Variants in UBE2D2 observed in about 807,000 individuals in gnomAD.
UBE2D2 encodes ubiquitin-conjugating enzyme E2 D2.
UBE2D2 carries 2 observed loss-of-function variants against 24.2 expected under a neutral mutation model. That is an observed-to-expected ratio of 0.08 (90% CI 0.03 to 0.26). The LOEUF (loss-of-function observed/expected upper bound fraction) is 0.26. Ranked by LOEUF, UBE2D2 falls within the 10% of genes least tolerant of loss-of-function variation. UBE2D2 has a pLI of 1.00. For missense variants in UBE2D2, 44 were observed against 177.6 expected (o/e 0.25, Z 4.28); for synonymous variants, 58 against 56.5 (o/e 1.03, Z -0.12).
intron 1 of UBE2D2, among the ~76,000 whole-genome samples, chr5:139,592,560 A>G (rs1753866369): frequency 6.7e-6 from 1 of 148,270 alleles, no homozygotes; most frequent in Admixed American, 6.7e-5. Context: ...TTTGAGAACT[A>G]CTGGTTTAAC....
intron 6 of UBE2D2, among the ~76,000 whole-genome samples, chr5:139,624,899 T>G (rs1203823683): frequency 6.6e-6 from 1 of 152,326 alleles, no homozygotes; most frequent in South Asian, 2.1e-4. Context: ...ATTTGTGAAT[T>G]TATTGTCAAA....
intron 2 of UBE2D2, among the ~76,000 whole-genome samples, chr5:139,606,685 A>G (rs1754207347): frequency 6.6e-6 from 1 of 152,222 alleles, no homozygotes; most frequent in Non-Finnish European, 1.5e-5. Context: ...GGATCATTAA[A>G]TGAAAGATTT....
intron 1 of UBE2D2, among the ~76,000 whole-genome samples, chr5:139,583,354 T>G (rs1257844984): frequency 6.6e-6 from 1 of 152,228 alleles, no homozygotes; most frequent in Non-Finnish European, 1.5e-5. Flanking sequence ...GTATGTGAAG[T>G]AAATAAGTAT....
In UBE2D2 at chr5:139,561,880, C is replaced by T. The variant is rs113340453; in HGVS notation, c.24+65C>T. ...GCAGGCTGCGGCCTGCACTTCCCGC[C>T]GTAGTCTCCGTCGGGCTCGCGGCCT... On this transcript the variant is annotated intron_variant, in intron 1 of 6. Transcript: ENST00000398733. 2.8e-4 allele frequency: 407 copies of T among 1,440,756 alleles called. 4 individuals carry two copies. In the Middle Eastern group the frequency reaches 7.4e-3, roughly 26 times the overall value. 89.2% of individuals were successfully genotyped at this position (1,440,756 alleles called of 1,614,324 possible).
intron 1 of UBE2D2, among the ~76,000 whole-genome samples, chr5:139,566,069 A>G (rs931147524): frequency 4.2e-5 from 6 of 142,624 alleles, no homozygotes; most frequent in African/African-American, 1.6e-4. Context: ...CTCAGGCTGG[A>G]GTGCAGTGTC....
intron 1 of UBE2D2, among the ~76,000 whole-genome samples, chr5:139,541,371 G>A (rs1320028503): frequency 2.6e-5 from 4 of 151,380 alleles, no homozygotes; most frequent in Non-Finnish European, 4.4e-5. Flanking sequence ...GGAGGCCGAG[G>A]TGGGCGGATC....
intron 1 of UBE2D2, among the ~76,000 whole-genome samples, chr5:139,546,775 CGTG>C (rs1466856715): frequency 6.6e-6 from 1 of 151,524 alleles, no homozygotes; most frequent in Admixed American, 6.6e-5. Context: ...CGTGAGCCAC[CGTG>C]CCTGGCCTTA....
intron 1 of UBE2D2, among the ~76,000 whole-genome samples, chr5:139,550,733 G>A (rs941642876): frequency 6.7e-6 from 1 of 149,880 alleles, no homozygotes; most frequent in Non-Finnish European, 1.5e-5. Flanking sequence ...AACTCCAGAC[G>A]CGCTGCCTTA....
intron 1 of UBE2D2, among the ~76,000 whole-genome samples, chr5:139,537,963 CAAAAA>C (rs200505310): frequency 7.6e-6 from 1 of 132,296 alleles, no homozygotes. Flanking sequence ...GACTCCGTCT[CAAAAA>C]AAAAAAAAAG....
chr5:139,607,161 A>G (rs568204371), intron 2 of UBE2D2, among the ~76,000 whole-genome samples: 3 of 152,306 alleles, frequency 2.0e-5, no homozygotes, highest in Admixed American at 2.0e-4. Context: ...TTCTGTCACT[A>G]GCTTCTCTGA....
At position 139,570,580 on chromosome 5, in the gene UBE2D2, C is replaced by T. The variant is rs202123645; in HGVS notation, c.24+8765C>T. Among the ~76,000 whole-genome samples the T allele has an allele frequency of 3.3e-5, 5 of 151,540 alleles. No homozygotes were observed. In the East Asian group the frequency reaches 5.8e-4, roughly 18 times the overall value. ...AGGCTGGAGTGCAGTTGTGTGATCT[C>T]GGCTCACTGCAACCTCTGCCTCCTG... On this transcript the variant is annotated intron_variant, in intron 1 of 6. Coordinates refer to ENST00000398733, the MANE Select transcript of UBE2D2 (RefSeq NM_003339.3).
At chr5:139,579,100 T>G (rs1467542813) in intron 1 of UBE2D2, among the ~76,000 whole-genome samples, 1 of 152,226 alleles carries the variant, frequency 6.6e-6, no homozygotes, top group Non-Finnish European at 1.5e-5. Context: ...CCTGGGTAGC[T>G]TGAATTACAG....
At chr5:139,531,635 A>G (rs1186080980) in intron 1 of UBE2D2, among the ~76,000 whole-genome samples, 1 of 151,410 alleles carries the variant, frequency 6.6e-6, no homozygotes, top group Admixed American at 6.6e-5. Context: ...CAAAAAAAAA[A>G]AAAGAAAGAA....
At chr5:139,580,938 C>A (rs1434308108) in intron 1 of UBE2D2, among the ~76,000 whole-genome samples, 2 of 151,998 alleles carry the variant, frequency 1.3e-5, no homozygotes, top group African/African-American at 4.8e-5. Context: ...ATCACACAGA[C>A]AAATAGGAAC....
chr5:139,574,685 T>G (rs1297036736), intron 1 of UBE2D2, among the ~76,000 whole-genome samples: 1 of 151,552 alleles, frequency 6.6e-6, no homozygotes, highest in Non-Finnish European at 1.5e-5. Context: ...AAGCATGGTA[T>G]TCTGTGTTTG....
intron 1 of UBE2D2, among the ~76,000 whole-genome samples, chr5:139,574,749 A>AAAAAAAG (rs1554077861): frequency 1.3e-5 from 2 of 150,776 alleles, no homozygotes; most frequent in African/African-American, 4.9e-5. Context: ...AAAAAAAAAA[A>AAAAAAAG]AAAAGAAAAG....
intron 1 of UBE2D2, among the ~76,000 whole-genome samples, chr5:139,533,068 A>G (rs1002855674): frequency 6.6e-6 from 1 of 151,420 alleles, no homozygotes; most frequent in East Asian, 2.0e-4. Context: ...AGATCGCGCC[A>G]CTGGACTCCA....
At chr5:139,527,148 G>A (rs407519) in intron 1 of UBE2D2, among the ~76,000 whole-genome samples, 41,149 of 152,096 alleles carry the variant, frequency 0.27, 7,584 homozygotes, top group African/African-American at 0.53. Flanking sequence ...AGACTGGCTA[G>A]CATTAGAGGT....
At chr5:139,610,410 G>A (rs931121214) in intron 2 of UBE2D2, among the ~76,000 whole-genome samples, 1 of 151,902 alleles carries the variant, frequency 6.6e-6, no homozygotes, top group South Asian at 2.1e-4. Flanking sequence ...GTGTGGTGGT[G>A]TGTGCCTGTA....
Sources: gnomAD v4.1 joint callset for allele counts (sites outside exome capture counted in the v4.1 genomes callset) on GRCh38, gnomAD v4.1.1 for gene constraint, MANE v1.5 for transcripts, NCBI Gene and HGNC (gene_info 2026-07-23, HGNC 2026-07-21) for gene names.